The following NEBL variants were observed in gnomAD, a reference collection of about 807,000 sequenced individuals.
NEBL encodes the protein nebulette.
Under a neutral mutation model 140.2 loss-of-function variants are expected in NEBL, and 122 were observed. That is an observed-to-expected ratio of 0.87 (90% CI 0.75 to 1.01). The LOEUF (loss-of-function observed/expected upper bound fraction) is 1.01, where lower values mean the gene tolerates loss of function less well. Ranked by LOEUF, NEBL falls within the 50% of genes least tolerant of loss-of-function variation. The pLI, the probability that NEBL is intolerant of heterozygous loss-of-function variation, is 0.00. For missense variants in NEBL, 1,365 were observed against 1,231.3 expected, an observed-to-expected ratio of 1.11 and a Z score of -1.62; for synonymous variants, 436 against 398.9, an observed-to-expected ratio of 1.09 and a Z score of -1.11.
chr10:20,915,082 C>T (rs187590708), intron 4 of NEBL, among the ~76,000 whole-genome samples: 1 of 150,594 alleles, frequency 6.6e-6, no homozygotes. Flanking sequence ...AGATTACAGA[C>T]ATAAGCCACC....
At chr10:21,122,881 T>C (rs2132048240) in intron 2 of NEBL, among the ~76,000 whole-genome samples, 1 of 152,310 alleles carries the variant, frequency 6.6e-6, no homozygotes. Flanking sequence ...TGCCTTTATT[T>C]CCTAGTTTTC....
At chr10:20,848,989 A>T (rs1272976818) in intron 11 of NEBL, among the ~76,000 whole-genome samples, 1 of 152,186 alleles carries the variant, frequency 6.6e-6, no homozygotes, top group Middle Eastern at 3.2e-3. Flanking sequence ...TTTTTTGTCT[A>T]CAAGTTATCA....
intron 4 of NEBL, among the ~76,000 whole-genome samples, chr10:20,924,097 A>C (rs1172651366): frequency 2.0e-5 from 3 of 152,146 alleles, no homozygotes; most frequent in Non-Finnish European, 4.4e-5. Context: ...ATCCAAAATC[A>C]CTCTAAATTG....
intron 3 of NEBL, among the ~76,000 whole-genome samples, chr10:21,223,468 G>A (rs1017853086): frequency 6.6e-6 from 1 of 152,176 alleles, no homozygotes; most frequent in African/African-American, 2.4e-5. Flanking sequence ...CACTTTGGTT[G>A]CTTCCAAATC....
intron 7 of NEBL, among the ~76,000 whole-genome samples, chr10:20,864,351 A>G (rs1242249012): frequency 2.0e-5 from 3 of 152,194 alleles, no homozygotes; most frequent in Non-Finnish European, 4.4e-5. Flanking sequence ...TAACCTGGCC[A>G]TAATTGTATG....
intron 4 of NEBL, among the ~76,000 whole-genome samples, chr10:20,925,465 CTT>C (rs1833860961): frequency 1.3e-5 from 2 of 152,226 alleles, no homozygotes; most frequent in Admixed American, 6.5e-5. Flanking sequence ...CCTTCTCTCT[CTT>C]GACTGGTTCT....
At chr10:20,823,978 T>G (rs1167939650) in intron 18 of NEBL, among the ~76,000 whole-genome samples, 1 of 152,150 alleles carries the variant, frequency 6.6e-6, no homozygotes, top group Non-Finnish European at 1.5e-5. Flanking sequence ...TGGCTTCTAC[T>G]TCACTCAAAA....
chr10:20,895,942 G>A (rs1419088455), intron 2 of NEBL, among the ~76,000 whole-genome samples: 2 of 152,158 alleles, frequency 1.3e-5, no homozygotes, highest in Admixed American at 6.5e-5. Context: ...TACAGCTGAG[G>A]GATGGAGCCA....
chr10:21,187,213 TTTCCTGAGGC>T (rs1045223457), intron 3 of NEBL, among the ~76,000 whole-genome samples: 1 of 152,036 alleles, frequency 6.6e-6, no homozygotes, highest in Non-Finnish European at 1.5e-5. Flanking sequence ...TGATTATAAG[TTTCCTGAGGC>T]CTCCCCAGCT....
At chr10:21,201,265 C>G (rs1174498599) in intron 3 of NEBL, among the ~76,000 whole-genome samples, 1 of 152,146 alleles carries the variant, frequency 6.6e-6, no homozygotes, top group Non-Finnish European at 1.5e-5. Context: ...GTCTCATCTC[C>G]CTGCCTGTGT....
chr10:20,988,833 G>A (rs1418195498), intron 3 of NEBL, among the ~76,000 whole-genome samples: 2 of 152,198 alleles, frequency 1.3e-5, no homozygotes, highest in Admixed American at 6.5e-5. Context: ...TAAATCCATT[G>A]GGCAATTCTG....
chr10:20,853,177 T>C (rs748018117), intron 9 of NEBL, among the ~76,000 whole-genome samples: 14 of 152,140 alleles, frequency 9.2e-5, no homozygotes, highest in Non-Finnish European at 1.8e-4. Flanking sequence ...TAAGCAACTA[T>C]TGTTCCTAAA....
chr10:20,844,424 T>C (rs1361841506), intron 12 of NEBL, among the ~76,000 whole-genome samples: 3 of 150,726 alleles, frequency 2.0e-5, no homozygotes, highest in African/African-American at 4.9e-5. Flanking sequence ...ATACTACATT[T>C]ATACTTAGGG....
chr10:20,980,972 T>C (rs368689858), intron 3 of NEBL, among the ~76,000 whole-genome samples: 1 of 152,296 alleles, frequency 6.6e-6, no homozygotes, highest in African/African-American at 2.4e-5. Context: ...TTTTAATCAA[T>C]AGAGATGGGG....
intron 2 of NEBL, among the ~76,000 whole-genome samples, chr10:21,147,432 G>T (rs1839945426): frequency 6.9e-6 from 1 of 145,746 alleles, no homozygotes. Flanking sequence ...ACCTCTCAAA[G>T]GAGGAGCCTC....
chr10:21,030,071 G>A (rs640729), intron 2 of NEBL: 295,825 of 470,520 alleles, frequency 0.63, 93,448 homozygotes, highest in East Asian at 0.73. Flanking sequence ...CTCCCAGTCC[G>A]GTCGAGCTTA....
chr10:21,163,148 G>A (rs567919194), intron 2 of NEBL, among the ~76,000 whole-genome samples: 2 of 152,314 alleles, frequency 1.3e-5, no homozygotes, highest in East Asian at 3.9e-4. Context: ...GAGGTTAAAT[G>A]GAAGTGGATA....
chr10:21,129,738 C>A (rs1839012241), intron 2 of NEBL, among the ~76,000 whole-genome samples: 1 of 151,402 alleles, frequency 6.6e-6, no homozygotes, highest in Non-Finnish European at 1.5e-5. Context: ...CTTTAAAAAG[C>A]AGTATAATGG....
At chr10:21,143,510 C>A (rs1282150195) in intron 2 of NEBL, among the ~76,000 whole-genome samples, 10 of 140,406 alleles carry the variant, frequency 7.1e-5, no homozygotes, top group African/African-American at 2.6e-5. Flanking sequence ...CTTAGCACAA[C>A]AATTCAATGC....
Sources: gnomAD v4.1 joint callset for allele counts (sites outside exome capture counted in the v4.1 genomes callset) on GRCh38, gnomAD v4.1.1 for gene constraint, MANE v1.5 for transcripts, NCBI Gene and HGNC (gene_info 2026-07-23, HGNC 2026-07-21) for gene names.